The following CDAN1 variants were observed in gnomAD, a reference collection of about 807,000 sequenced individuals.
CDAN1 encodes codanin 1, also known as codanin-1.
Under a neutral mutation model 139.8 loss-of-function variants are expected in CDAN1, and 107 were observed. That is an observed-to-expected ratio of 0.77 (90% CI 0.65 to 0.90). The LOEUF (loss-of-function observed/expected upper bound fraction) is 0.90, where lower values mean the gene tolerates loss of function less well. Ranked by LOEUF, CDAN1 falls within the 40% of genes least tolerant of loss-of-function variation. The pLI, the probability that CDAN1 is intolerant of heterozygous loss-of-function variation, is 0.00. For synonymous variants in CDAN1, 776 were observed against 660.6 expected (o/e 1.17, Z -2.68); for missense variants, 1,667 against 1,575.7 (o/e 1.06, Z -0.98).
rs2140478794 is a variant in CDAN1, at chr15:42,729,553, A to G, written c.2407+15T>C. On this transcript the variant is annotated intron_variant, in intron 17 of 27. Transcript: ENST00000356231. ...GGGACAGACCAAGGACCGTCCAGGGAAGACCGGTGCTCACCGATGTAGGGG... is the reference window on the plus strand; with the variant it reads ...GGGACAGACCAAGGACCGTCCAGGGGAGACCGGTGCTCACCGATGTAGGGG... 1 of 1,614,114 alleles carries G rather than the reference A, an allele frequency of 6.2e-7. No homozygotes were observed. Among genetic ancestry groups the G allele is most frequent in the Middle Eastern group, 1.7e-4 (1 of 6,060 alleles).
In CDAN1 at chr15:42,733,180, C is replaced by A. The variant is rs778455118; in HGVS notation, c.1374G>T (p.Val458=). Residue 458 remains valine, a synonymous_variant, in exon 9 of 28, where the codon GTG becomes GTT. Coordinates refer to ENST00000356231, the MANE Select transcript of CDAN1 (RefSeq NM_138477.4). ...AFHTFKKQRD[V]FYEVLREWED... Reference sequence around the variant, plus strand: ...CCCACTCTCGCAGCACCTCATAAAACACATCCCTGACGCATAAGAACGCCT... The same window carrying A: ...CCCACTCTCGCAGCACCTCATAAAAAACATCCCTGACGCATAAGAACGCCT... 4 of 1,614,110 alleles carry A rather than the reference C, an allele frequency of 2.5e-6. No individual in the cohort carries two copies. The highest frequency in any genetic ancestry group is 1.6e-4 in the Middle Eastern group (1 of 6,062).
At chr15:42,736,168 A>G in intron 2 of CDAN1, 90 bp from the exon 3 acceptor site, 1 of 1,570,484 alleles carries the variant, frequency 6.4e-7, no homozygotes, top group Non-Finnish European at 8.7e-7. Flanking sequence ...TTGCCAAAAA[A>G]CCCCACAAAA....
intron 20 of CDAN1, 38 bp from the exon 21 acceptor site, chr15:42,728,305 T>C: frequency 6.2e-7 from 1 of 1,605,664 alleles, no homozygotes; most frequent in Non-Finnish European, 8.5e-7. Context: ...TCTCTGGGTA[T>C]TTCAGCCTGG....
In CDAN1 at chr15:42,724,569, C is replaced by T. The variant is rs374471987; in HGVS notation, c.3606G>A (p.Glu1202=). 6.4e-7 allele frequency: 1 copy of T among 1,553,834 alleles called. No homozygotes were observed. Among genetic ancestry groups the T allele is most frequent in the African/African-American group, 1.4e-5 (1 of 73,220 alleles). ...LATLSNLFLA[E]PHLPEPQLRA... ...TTAGCTGGGGTTCTGGCAGGTGGGG[C>T]TCGGCTAGAAACAGATTAGACAGTG... The change falls in exon 28 of 28, where the codon GAG becomes GAA. Residue 1202 remains glutamate (E), a synonymous_variant. Coordinates refer to ENST00000356231, the MANE Select transcript of CDAN1 (RefSeq NM_138477.4).
At position 42,726,318 on chromosome 15, in the gene CDAN1, A is replaced by C; in HGVS notation, c.3196T>G (p.Cys1066Gly). The C allele has an allele frequency of 6.3e-7, 1 of 1,588,522 alleles. No individual in the cohort carries two copies. The highest frequency in any genetic ancestry group is 8.6e-7 in the Non-Finnish European group (1 of 1,167,458). The change falls in exon 24 of 28, where the codon TGC (cysteine) becomes GGC (glycine). Residue 1066 changes from cysteine to glycine, a missense_variant. By Grantham distance (159) the Cys-to-Gly change is radical. Transcript: ENST00000356231. ...LLGQLGQTLR[C>G]RQFLCPPAEQ... is the part of the protein sequence containing the mutation. ...CAGATGCCACAGCTCACCTGGCGGC[A>C]CCGCAGCGTCTGGCCCAGCTGGCCT...
rs1367330166 is a variant in CDAN1 at position 42,731,262 on chromosome 15, C to T, written c.1809G>A (p.Leu603=). 1 of 1,614,156 alleles carries T rather than the reference C, an allele frequency of 6.2e-7. No individual in the cohort carries two copies. The highest frequency in any genetic ancestry group is 1.1e-5 in the South Asian group (1 of 91,076). ...CTTCATCATTGGGCTCATGCTGGGG[C>T]AGGGCAAGACCATTGAGCTCCTGGA... ...LKIQELNGLA[L]PQHEPNDEDG... is the part of the protein sequence containing the mutation. Residue 603 remains leucine, a synonymous_variant, in exon 12 of 28, where the codon CTG becomes CTA. Transcript: ENST00000356231.
rs536652376 is a variant in CDAN1 at position 42,733,314 on chromosome 15, ACT to A, written c.1368-130_1368-129del. 3 of 771,422 alleles carry A rather than the reference ACT, an allele frequency of 3.9e-6. No homozygotes were observed. In the South Asian group the frequency reaches 4.3e-5, roughly 11 times the overall value. 47.8% of individuals were successfully genotyped at this position (771,422 alleles called of 1,614,324 possible). A position where few individuals can be genotyped will look rare whatever the true frequency, so the allele number is the denominator to read the frequency against. ...TTGGAGATGGAGTCTTGCTCTTGTC[ACT>A]CAGGCTGGATTGCAATGACGCGATC... On this transcript the variant is annotated intron_variant, in intron 8 of 27. Coordinates refer to ENST00000356231, the MANE Select transcript of CDAN1 (RefSeq NM_138477.4).
intron 9 of CDAN1, among the ~76,000 whole-genome samples, chr15:42,732,793 G>A (rs879641290): frequency 2.1e-5 from 3 of 142,476 alleles, no homozygotes; most frequent in Non-Finnish European, 4.4e-5. Context: ...GAGGCTGGAT[G>A]TGTCTAAGCA....
Position 42,730,942 on chromosome 15 carries a change from G to C in CDAN1, c.1990C>G (p.Leu664Val), listed in dbSNP as rs777868033. ...CCATTCACCTGGCTCCTGAGGGCCAGAATGGAGTCCTGAAGCTCACCGGTC... is the reference window on the plus strand; with the variant it reads ...CCATTCACCTGGCTCCTGAGGGCCACAATGGAGTCCTGAAGCTCACCGGTC... Reference protein sequence around the residue: ...PPTGELQDSILALRSQVPPVL... With the variant: ...PPTGELQDSIVALRSQVPPVL... Residue 664 changes from leucine (L) to valine (V), a missense_variant, in exon 13 of 28, where the codon CTG (leucine) becomes GTG (valine). Leu to Val is a conservative substitution (Grantham distance 32). Coordinates refer to ENST00000356231, the MANE Select transcript of CDAN1 (RefSeq NM_138477.4). The C allele has an allele frequency of 3.1e-6, 5 of 1,614,192 alleles. No individual in the cohort carries two copies. Among genetic ancestry groups the C allele is most frequent in the Non-Finnish European group, 4.2e-6 (5 of 1,180,044 alleles).
intron 3 of CDAN1, 87 bp downstream of exon 3, chr15:42,735,788 C>A: frequency 6.3e-7 from 1 of 1,588,612 alleles, no homozygotes; most frequent in East Asian, 2.2e-5. Flanking sequence ...ACCCAGAGTC[C>A]CCAAGAGGGA....
chr15:42,735,109 C>T lies in CDAN1; in HGVS notation c.1127G>A (p.Cys376Tyr), dbSNP rs374604122. Reference sequence around the variant, plus strand: ...AGCCAGGGAAACTCACTGAAAGTGACACTCCAAAACCTGCACTGCAAAGAA... The same window carrying T: ...AGCCAGGGAAACTCACTGAAAGTGATACTCCAAAACCTGCACTGCAAAGAA... ...CVFFAVQVLE[C>Y]HFQVLSNLDK... is the part of the protein sequence containing the mutation. Residue 376 changes from cysteine (C) to tyrosine (Y), a missense_variant, in exon 6 of 28, where the codon TGT becomes TAT. Coordinates refer to ENST00000356231, the MANE Select transcript of CDAN1 (RefSeq NM_138477.4). The T allele has an allele frequency of 4.3e-6, 7 of 1,612,572 alleles. No homozygotes were observed. Among genetic ancestry groups the T allele is most frequent in the Non-Finnish European group, 5.9e-6 (7 of 1,178,804 alleles).
intron 24 of CDAN1, 46 bp from the exon 25 acceptor site, chr15:42,726,206 G>T: frequency 6.2e-7 from 1 of 1,607,394 alleles, no homozygotes; most frequent in Non-Finnish European, 8.5e-7. Context: ...GTATCACCAT[G>T]CTTACTGCTG....
Position 42,736,687 on chromosome 15 carries a change from T to A in CDAN1, c.184A>T (p.Ser62Cys). The A allele has an allele frequency of 6.4e-7, 1 of 1,550,988 alleles. No homozygotes were observed. The highest frequency in any genetic ancestry group is 8.7e-7 in the Non-Finnish European group (1 of 1,151,262). Reference protein sequence around the residue: ...FLLNFLREQSSRVLPQGPPTP... With the variant: ...FLLNFLREQSCRVLPQGPPTP... ...GGGGGCCCCTGCGGGAGGACGCGGC[T>A]GCTCTGCTCCCTCAGGAAGTTCAAC... is the stretch of plus-strand genomic sequence containing the variant. The change falls in exon 2 of 28, where the codon AGC becomes TGC. Residue 62 changes from serine (S) to cysteine (C), a missense_variant. Ser to Cys is a moderately radical substitution (Grantham distance 112, BLOSUM62 -1). Coordinates refer to ENST00000356231, the MANE Select transcript of CDAN1 (RefSeq NM_138477.4).
rs120074167 is a variant in CDAN1, at chr15:42,730,757, G to A, written c.2015C>T (p.Pro672Leu). The stretch of plus-strand genomic sequence containing the variant: ...CAGCAGAGTCCGCACATCCAGGACC[G>A]GAGGGACCTGGGAGGGCCAGAGCTC... ...SILALRSQVPPVLDVRTLLQR... is the reference protein window; with the variant it reads ...SILALRSQVPLVLDVRTLLQR... Residue 672 changes from proline to leucine, a missense_variant, in exon 14 of 28, where the codon CCG becomes CTG. Coordinates refer to ENST00000356231, the MANE Select transcript of CDAN1 (RefSeq NM_138477.4). The A allele has an allele frequency of 1.6e-4, 254 of 1,611,904 alleles. No homozygotes were observed. The highest frequency in any genetic ancestry group is 2.1e-4 in the Non-Finnish European group (242 of 1,179,012).
chr15:42,733,054 T>C (rs1337030522), intron 9 of CDAN1, 43 bp downstream of exon 9: 4 of 1,529,356 alleles, frequency 2.6e-6, no homozygotes, highest in Non-Finnish European at 3.6e-6. Flanking sequence ...AGCACTGAGC[T>C]ACTCATTGCC....
intron 15 of CDAN1, 42 bp from the exon 16 acceptor site, chr15:42,729,927 C>A: frequency 7.1e-7 from 1 of 1,405,738 alleles, no homozygotes; most frequent in East Asian, 2.4e-5. Context: ...CAGAGACCCC[C>A]ACCCAACCCA....
At chr15:42,730,511 C>A in intron 14 of CDAN1, 87 bp downstream of exon 14, 1 of 1,488,592 alleles carries the variant, frequency 6.7e-7, no homozygotes, top group Non-Finnish European at 9.3e-7. Flanking sequence ...ACAGTGCAGA[C>A]TGCTCGACCC....
At position 42,736,663 on chromosome 15, in the gene CDAN1, G is replaced by A; in HGVS notation, c.208C>T (p.Pro70Ser). The change falls in exon 2 of 28, where the codon CCG becomes TCG. Residue 70 changes from proline to serine, a missense_variant. Physicochemically the swap from Pro to Ser is moderately conservative, Grantham distance 74. Coordinates refer to ENST00000356231, the MANE Select transcript of CDAN1 (RefSeq NM_138477.4). ...QSSRVLPQGPPTPAKTPGASA... is the reference protein window; with the variant it reads ...QSSRVLPQGPSTPAKTPGASA... ...GCGCCCGGGGTCTTGGCGGGGGTCGGGGGCCCCTGCGGGAGGACGCGGCTG... is the reference window on the plus strand; with the variant it reads ...GCGCCCGGGGTCTTGGCGGGGGTCGAGGGCCCCTGCGGGAGGACGCGGCTG... 1 of 1,541,958 alleles carries A rather than the reference G, an allele frequency of 6.5e-7. No individual in the cohort carries two copies. The highest frequency in any genetic ancestry group is 8.7e-7 in the Non-Finnish European group (1 of 1,145,924).
intron 6 of CDAN1, 106 bp from the exon 7 acceptor site, chr15:42,734,452 A>C (rs750362968): frequency 6.6e-6 from 9 of 1,372,264 alleles, no homozygotes; most frequent in African/African-American, 1.4e-5. Context: ...GCAGGTATGC[A>C]AGCCCAGATA....
Sources: gnomAD v4.1 joint callset for allele counts (sites outside exome capture counted in the v4.1 genomes callset) on GRCh38, gnomAD v4.1.1 for gene constraint, MANE v1.5 for transcripts, NCBI Gene and HGNC (gene_info 2026-07-23, HGNC 2026-07-21) for gene names.